Variants in EZH2 observed in about 807,000 individuals in gnomAD.
The protein encoded by EZH2 is enhancer of zeste 2 polycomb repressive complex 2 subunit.
Under a neutral mutation model 98.4 loss-of-function variants are expected in EZH2, and 18 were observed. The observed-to-expected ratio is 0.18, with a 90% CI of 0.13 to 0.27. The LOEUF (loss-of-function observed/expected upper bound fraction) is 0.27, where lower values mean the gene tolerates loss of function less well. Ranked by LOEUF, EZH2 falls within the 10% of genes least tolerant of loss-of-function variation. The pLI is 1.00. For synonymous variants in EZH2, 338 were observed against 312.3 expected (o/e 1.08, Z -0.87); for missense variants, 470 against 935.1 (o/e 0.50, Z 6.49).
chr7:148,869,495 GCCA>G (rs1348340145), intron 1 of EZH2, among the ~76,000 whole-genome samples: 1 of 152,022 alleles, frequency 6.6e-6, no homozygotes, highest in African/African-American at 2.4e-5. Context: ...ACAGGCAAAT[GCCA>G]CCACATGTGG....
chr7:148,815,478 A>G (rs1251979990), intron 13 of EZH2, 28 bp downstream of exon 13: 3 of 1,604,520 alleles, frequency 1.9e-6, no homozygotes, highest in Non-Finnish European at 2.6e-6. Flanking sequence ...TGTTAAGCTA[A>G]TAATGAGAGG....
intron 1 of EZH2, among the ~76,000 whole-genome samples, chr7:148,867,800 T>A (rs1468373299): frequency 6.6e-6 from 1 of 152,230 alleles, no homozygotes; most frequent in South Asian, 2.1e-4. Context: ...GAGCACAGGC[T>A]TTTAGAAGCA....
intron 17 of EZH2, among the ~76,000 whole-genome samples, chr7:148,809,707 T>TCTTCCAAAC (rs1802503311): frequency 6.6e-6 from 1 of 151,624 alleles, no homozygotes; most frequent in Non-Finnish European, 1.5e-5. Context: ...ACATCACGAA[T>TCTTCCAAAC]AGGCATTTTC....
At chr7:148,820,090 A>G (rs552161168) in intron 8 of EZH2, among the ~76,000 whole-genome samples, 1 of 152,340 alleles carries the variant, frequency 6.6e-6, no homozygotes, top group South Asian at 2.1e-4. Flanking sequence ...ATTTCTAAAG[A>G]AAGGTCAGCA....
intron 1 of EZH2, among the ~76,000 whole-genome samples, chr7:148,883,035 C>CCA (rs1331883304): frequency 2.0e-5 from 3 of 152,224 alleles, no homozygotes; most frequent in Admixed American, 2.0e-4. Context: ...CCTACTTCTA[C>CCA]CACCTCATCC....
At chr7:148,830,442 C>T (rs113586855) in intron 4 of EZH2, among the ~76,000 whole-genome samples, 1,989 of 152,066 alleles carry the variant, frequency 0.013, 24 homozygotes, top group Middle Eastern at 0.034. Flanking sequence ...TCCCAAACTC[C>T]ACTTGATGAT....
intron 8 of EZH2, among the ~76,000 whole-genome samples, chr7:148,826,239 A>T (rs955543821): frequency 6.6e-6 from 1 of 152,072 alleles, no homozygotes; most frequent in African/African-American, 2.4e-5. Context: ...CCTGAATTCC[A>T]TGTTAGTGGA....
In EZH2 at chr7:148,818,066, G is replaced by C. The variant is rs1366762452; in HGVS notation, c.1051C>G (p.Pro351Ala). ...AALTAERIKT[P>A]PKRPGGRRRG... ...CTGCGGCCTCCTGGACGTTTTGGTG[G>C]GGTCTTTATCCGCTCAGCGGTGAGA... The change falls in exon 10 of 20, where the codon CCA (proline) becomes GCA (alanine). Residue 351 changes from proline (P) to alanine (A), a missense_variant. Around this residue, in one of 6 missense-constraint regions of EZH2, gnomAD observed 192 missense variants for 306.8 expected, o/e 0.63. Coordinates refer to ENST00000320356, the MANE Select transcript of EZH2 (RefSeq NM_004456.5). The C allele has an allele frequency of 2.5e-6, 4 of 1,613,752 alleles. No individual in the cohort carries two copies. Among genetic ancestry groups the C allele is most frequent in the Non-Finnish European group, 3.4e-6 (4 of 1,179,914 alleles).
chr7:148,831,821 A>G (rs1255919062), intron 4 of EZH2, among the ~76,000 whole-genome samples: 1 of 152,198 alleles, frequency 6.6e-6, no homozygotes, highest in Non-Finnish European at 1.5e-5. Context: ...ATACAACTAT[A>G]TATTTTTTAT....
At chr7:148,831,432 A>G (rs984311039) in intron 4 of EZH2, among the ~76,000 whole-genome samples, 1 of 152,198 alleles carries the variant, frequency 6.6e-6, no homozygotes, top group Non-Finnish European at 1.5e-5. Flanking sequence ...TCATATCCAC[A>G]TCATCCTGCT....
chr7:148,810,605 C>T (rs190612045), intron 16 of EZH2, among the ~76,000 whole-genome samples, 191 bp from the exon 17 acceptor site: 8 of 152,332 alleles, frequency 5.3e-5, no homozygotes, highest in Non-Finnish European at 1.0e-4. Flanking sequence ...AGGACCCCAA[C>T]TCAGAAATAT....
chr7:148,848,213 C>G (rs1398703539), intron 1 of EZH2, among the ~76,000 whole-genome samples: 3 of 152,148 alleles, frequency 2.0e-5, no homozygotes, highest in Non-Finnish European at 4.4e-5. Context: ...CAATGAGAAG[C>G]CACTTTTAGT....
At chr7:148,855,876 C>A (rs1219473286) in intron 1 of EZH2, among the ~76,000 whole-genome samples, 3 of 120,432 alleles carry the variant, frequency 2.5e-5, no homozygotes, top group Non-Finnish European at 4.8e-5. Context: ...CCAGCCTAGG[C>A]GACAGAGCAA....
At chr7:148,820,815 T>C (rs1334948488) in intron 8 of EZH2, among the ~76,000 whole-genome samples, 2 of 152,068 alleles carry the variant, frequency 1.3e-5, no homozygotes, top group African/African-American at 2.4e-5. Flanking sequence ...CAATGAAATA[T>C]ATAGAGAACA....
intron 1 of EZH2, among the ~76,000 whole-genome samples, chr7:148,850,154 GACT>G (rs1404890969): frequency 9.9e-5 from 15 of 152,048 alleles, no homozygotes; most frequent in African/African-American, 3.4e-4. Flanking sequence ...AAGTAGGTGG[GACT>G]ACCGGTGCCC....
intron 1 of EZH2, among the ~76,000 whole-genome samples, chr7:148,850,952 CTT>C (rs893433647): frequency 2.6e-5 from 4 of 152,226 alleles, no homozygotes; most frequent in African/African-American, 9.6e-5. Context: ...TAGCTAGAGT[CTT>C]CTCTCTCTCA....
chr7:148,863,540 C>CA (rs1184658743), intron 1 of EZH2, among the ~76,000 whole-genome samples: 5 of 152,162 alleles, frequency 3.3e-5, no homozygotes, highest in Non-Finnish European at 7.4e-5. Flanking sequence ...GATCCTCCTG[C>CA]AACCCTAAGA....
At chr7:148,851,053 G>A (rs142684441) in intron 1 of EZH2, among the ~76,000 whole-genome samples, 1 of 152,210 alleles carries the variant, frequency 6.6e-6, no homozygotes, top group African/African-American at 2.4e-5. Flanking sequence ...GGCGGCTATA[G>A]ACTTAAAAAC....
At chr7:148,819,845 A>ATC (rs1444772280) in intron 8 of EZH2, among the ~76,000 whole-genome samples, 158 bp from the exon 9 acceptor site, 11 of 152,218 alleles carry the variant, frequency 7.2e-5, no homozygotes, top group Non-Finnish European at 7.3e-5. Context: ...TTACTGAATG[A>ATC]TCACAACGTA....
Sources: allele counts gnomAD v4.1 joint callset (sites outside exome capture counted in the v4.1 genomes callset), GRCh38; gene constraint gnomAD v4.1.1; regional missense constraint gnomAD v4.1.1; transcripts MANE v1.5; gene names NCBI Gene and HGNC (gene_info 2026-07-23, HGNC 2026-07-21).